The following PTPRN2 variants were observed in gnomAD, a reference collection of about 807,000 sequenced individuals.
PTPRN2 encodes receptor-type tyrosine-protein phosphatase N2.
A neutral mutation model predicts 118.8 loss-of-function variants in PTPRN2; 74 were observed. The ratio of observed to expected loss-of-function variants is 0.62; its 90% CI spans 0.52 to 0.76. PTPRN2 has a LOEUF of 0.76. Among genes scored for constraint, PTPRN2 ranks in the 30% least tolerant of loss-of-function variants. The probability of loss-of-function intolerance (pLI) is 0.00; values close to 1 mark genes in which losing one functional copy is unlikely to be tolerated. For missense variants in PTPRN2, 1,481 were observed against 1,394.4 expected (o/e 1.06, Z -0.99); for synonymous variants, 641 against 608.0 (o/e 1.05, Z -0.80).
chr7:157,677,821 G>A (rs1796740590), intron 13 of PTPRN2, among the ~76,000 whole-genome samples: 1 of 152,318 alleles, frequency 6.6e-6, no homozygotes, highest in East Asian at 1.9e-4. Context: ...TGGCACCAGC[G>A]TGACAACCAT....
At chr7:158,180,536 G>C (rs1427058621) in intron 5 of PTPRN2, among the ~76,000 whole-genome samples, 1 of 152,202 alleles carries the variant, frequency 6.6e-6, no homozygotes, top group Non-Finnish European at 1.5e-5. Context: ...GCTTTGGGCA[G>C]TGTGGGCATT....
intron 21 of PTPRN2, among the ~76,000 whole-genome samples, chr7:157,566,404 C>T (rs939727134): frequency 6.6e-6 from 1 of 152,244 alleles, no homozygotes; most frequent in Admixed American, 6.5e-5. Flanking sequence ...AGGGCCCAGC[C>T]TGCACCAGAA....
chr7:158,513,518 GTAGGAAGTTAATTGGGAAAC>G (rs1364737791), intron 1 of PTPRN2, among the ~76,000 whole-genome samples: 1 of 152,218 alleles, frequency 6.6e-6, no homozygotes, highest in East Asian at 1.9e-4. Flanking sequence ...GTGTACTAAT[GTAGGAAGTTAATTGGGAAAC>G]TGGATGTGAA....
Position 158,121,123 on chromosome 7 carries a change from G to C in PTPRN2, c.1557-10208C>G, listed in dbSNP as rs542720833. 6.6e-5 allele frequency among the ~76,000 whole-genome samples: 10 copies of C among 152,196 alleles called. No homozygotes were observed. In the South Asian group the frequency reaches 2.1e-3, roughly 32 times the overall value. ...TGGGCTTTTCTCTCTGCCTGGGCCT[G>C]GTGGTGACTGCTCCAAAGGGCCAGC... On this transcript the variant is annotated intron_variant, in intron 9 of 22. Coordinates refer to ENST00000389418, the MANE Select transcript of PTPRN2 (RefSeq NM_002847.5).
chr7:158,324,041 A>ACACT (rs61083452), intron 2 of PTPRN2, among the ~76,000 whole-genome samples: 141,662 of 151,976 alleles, frequency 0.93, 66,123 homozygotes, highest in Non-Finnish European at 0.96. Context: ...GAGCACGTAC[A>ACACT]CACACATTTG....
intron 10 of PTPRN2, among the ~76,000 whole-genome samples, chr7:158,085,838 C>T (rs1450586248): frequency 7.6e-6 from 1 of 131,124 alleles, no homozygotes; most frequent in Non-Finnish European, 1.6e-5. Context: ...CATCCACACC[C>T]ATGACGCCCA....
intron 14 of PTPRN2, among the ~76,000 whole-genome samples, chr7:157,639,879 C>G (rs1205696497): frequency 6.6e-6 from 1 of 152,198 alleles, no homozygotes; most frequent in Admixed American, 6.5e-5. Context: ...TGGGCCTCAT[C>G]CAGAATTGAG....
rs113344771 is a variant in PTPRN2, at chr7:158,382,353, G to A, written c.164-65421C>T. Among the ~76,000 whole-genome samples, 383 of 152,204 alleles carry A rather than the reference G, an allele frequency of 2.5e-3. 1 individual carries two copies. Among genetic ancestry groups the A allele is most frequent in the African/African-American group, 8.6e-3 (359 of 41,530 alleles). ...GCCACACAACCTCACCCACTTTTTGGTGTAAAACAGGTAAAACAGCATGGA... is the reference window on the plus strand; with the variant it reads ...GCCACACAACCTCACCCACTTTTTGATGTAAAACAGGTAAAACAGCATGGA... On this transcript the variant is annotated intron_variant, in intron 2 of 22. Transcript: ENST00000389418.
chr7:158,454,179 C>T (rs1586711417), intron 2 of PTPRN2, among the ~76,000 whole-genome samples: 1 of 151,734 alleles, frequency 6.6e-6, no homozygotes, highest in African/African-American at 2.4e-5. Flanking sequence ...ACAGACAAGA[C>T]ACAACGCACA....
In PTPRN2 at chr7:158,210,316, T is replaced by C. The variant is rs1827504214; in HGVS notation, c.278-5043A>G. On this transcript the variant is annotated intron_variant, in intron 3 of 22. Coordinates refer to ENST00000389418, the MANE Select transcript of PTPRN2 (RefSeq NM_002847.5). ...ACGCCTGGCTAATTTTTTGTATTTT[T>C]AGTAGAGACGGGGTTTCACCGTGTT... 1.3e-5 allele frequency among the ~76,000 whole-genome samples: 2 copies of C among 151,808 alleles called. 1 individual carries two copies. Among genetic ancestry groups the C allele is most frequent in the South Asian group, 4.2e-4 (2 of 4,804 alleles).
chr7:158,141,970 G>A (rs957697858), intron 6 of PTPRN2, among the ~76,000 whole-genome samples: 2 of 152,246 alleles, frequency 1.3e-5, no homozygotes, highest in African/African-American at 2.4e-5. Context: ...CCCTGCTGGG[G>A]TGGCCGAGTG....
Position 158,174,621 on chromosome 7 carries a change from G to A in PTPRN2, c.550-7330C>T, listed in dbSNP as rs115010930. 5.6e-3 allele frequency among the ~76,000 whole-genome samples: 848 copies of A among 152,322 alleles called. 7 individuals are homozygous for A. The highest frequency in any genetic ancestry group is 0.019 in the African/African-American group (798 of 41,554). ...CAAGCCCTGGACTTCTATGAAGGAA[G>A]AATAACTCAGATGTGGCCCTGTCCT... is the stretch of plus-strand genomic sequence containing the variant. On this transcript the variant is annotated intron_variant, in intron 5 of 22. Transcript: ENST00000389418.
rs1030391380 is a variant in PTPRN2, at chr7:157,610,960, G to T, written c.2345-6885C>A. On this transcript the variant is annotated intron_variant, in intron 15 of 22. Transcript: ENST00000389418. This position sits in a 1 kb window ranked among gnomAD's most constrained non-coding sequence, Gnocchi z 5.1. ...CAGCATACAATGCTGCATCTGGGCA[G>T]ACTGGGACAGGCTGGGGCTCATATC... is the stretch of plus-strand genomic sequence containing the variant. Among the ~76,000 whole-genome samples, 1 of 152,248 alleles carries T rather than the reference G, an allele frequency of 6.6e-6. No individual in the cohort carries two copies. Among genetic ancestry groups the T allele is most frequent in the African/African-American group, 2.4e-5 (1 of 41,476 alleles).
At chr7:158,051,329 A>G (rs1202757039) in intron 11 of PTPRN2, among the ~76,000 whole-genome samples, 2 of 152,152 alleles carry the variant, frequency 1.3e-5, no homozygotes, top group African/African-American at 4.8e-5. Context: ...CTATTATGGG[A>G]CTGTGGGGAC....
Position 158,087,933 on chromosome 7 carries a change from T to C in PTPRN2, c.1644-6556A>G, listed in dbSNP as rs62480178. Among the ~76,000 whole-genome samples, 12 of 32,858 alleles carry C rather than the reference T, an allele frequency of 3.7e-4. 1 individual carries two copies. Among genetic ancestry groups the C allele is most frequent in the East Asian group, 1.6e-3 (1 of 622 alleles). The allele number at this position is 32,858 out of a possible 152,430, so 21.6% of individuals were successfully genotyped here. ...TTCACACACATCCTTCTTCCCCTGA[T>C]GAAAGAGGGAGTCTTCACACAAACC... On this transcript the variant is annotated intron_variant, in intron 10 of 22. Transcript: ENST00000389418.
intron 13 of PTPRN2, among the ~76,000 whole-genome samples, chr7:157,666,800 G>A (rs1384638640): frequency 2.0e-5 from 3 of 152,216 alleles, no homozygotes; most frequent in Non-Finnish European, 4.4e-5. Flanking sequence ...GACTCGGCCC[G>A]TGTGACACTG....
intron 12 of PTPRN2, among the ~76,000 whole-genome samples, chr7:157,886,290 C>T (rs550602834): frequency 6.6e-6 from 1 of 152,250 alleles, no homozygotes; most frequent in South Asian, 2.1e-4. Flanking sequence ...AGACAATAAG[C>T]CGTGTCCCTG....
At chr7:157,909,575 C>T (rs1797967874) in intron 11 of PTPRN2, among the ~76,000 whole-genome samples, 1 of 152,250 alleles carries the variant, frequency 6.6e-6, no homozygotes, top group Non-Finnish European at 1.5e-5. Context: ...GCCCCTTCAG[C>T]GCGGGACGCC....
chr7:157,615,062 C>T lies in PTPRN2; in HGVS notation c.2344+6300G>A, dbSNP rs1053305481. 1.3e-5 allele frequency among the ~76,000 whole-genome samples: 2 copies of T among 152,202 alleles called. No individual in the cohort carries two copies. Among genetic ancestry groups the T allele is most frequent in the African/African-American group, 4.8e-5 (2 of 41,442 alleles). On this transcript the variant is annotated intron_variant, in intron 15 of 22. Transcript: ENST00000389418. This position sits in a 1 kb window ranked among gnomAD's most constrained non-coding sequence, Gnocchi z 4.3. ...CTGCAGGCAGGCTAAAGTATTTGGACGTCATGACGCCTGATACTTACTTGA... is the reference window on the plus strand; with the variant it reads ...CTGCAGGCAGGCTAAAGTATTTGGATGTCATGACGCCTGATACTTACTTGA...
Sources: allele counts gnomAD v4.1 joint callset (sites outside exome capture counted in the v4.1 genomes callset), GRCh38; gene constraint gnomAD v4.1.1; non-coding constraint Gnocchi (gnomAD v3.1); transcripts MANE v1.5; gene names NCBI Gene and HGNC (gene_info 2026-07-23, HGNC 2026-07-21).